Variants in EVI5 observed in about 807,000 individuals in gnomAD.
The protein encoded by EVI5 is ecotropic viral integration site 5, also known as ecotropic viral integration site 5 protein homolog.
A neutral mutation model predicts 112.0 loss-of-function variants in EVI5; 73 were observed. The observed-to-expected ratio is 0.65, with a 90% confidence interval of 0.54 to 0.79. EVI5 has a LOEUF of 0.79. Ranked by LOEUF, EVI5 falls within the 30% of genes least tolerant of loss-of-function variation. The pLI is 0.00. For synonymous variants in EVI5, 305 were observed against 319.9 expected (o/e 0.95, Z 0.50); for missense variants, 900 against 968.8 (o/e 0.93, Z 0.94).
chr1:92,537,784 TA>T (rs200935840), intron 19 of EVI5, among the ~76,000 whole-genome samples: 12,815 of 143,724 alleles, frequency 0.089, 1,534 homozygotes, highest in African/African-American at 0.28. Flanking sequence ...CTACAGTACT[TA>T]AAAAAAAAAA....
At chr1:92,563,320 T>C (rs941595413) in intron 19 of EVI5, among the ~76,000 whole-genome samples, 1 of 152,130 alleles carries the variant, frequency 6.6e-6, no homozygotes, top group South Asian at 2.1e-4. Context: ...TAAGCAAAAT[T>C]TTAGTTTAGT....
intron 2 of EVI5, among the ~76,000 whole-genome samples, chr1:92,719,427 CAG>C (rs1284351276): frequency 2.0e-5 from 3 of 151,758 alleles, no homozygotes; most frequent in Non-Finnish European, 4.4e-5. Flanking sequence ...ATCACATAAA[CAG>C]AACCAACGAC....
intron 16 of EVI5, among the ~76,000 whole-genome samples, chr1:92,608,399 A>G (rs1650946102): frequency 6.6e-6 from 1 of 152,132 alleles, no homozygotes; most frequent in Non-Finnish European, 1.5e-5. Flanking sequence ...GAAAGAAAGC[A>G]CAAACCAGTC....
intron 9 of EVI5, among the ~76,000 whole-genome samples, chr1:92,693,529 G>A (rs1669818427): frequency 6.6e-6 from 1 of 151,896 alleles, no homozygotes; most frequent in African/African-American, 2.4e-5. Context: ...CCAGAAAAGT[G>A]GTTTTAAAAA....
chr1:92,680,773 CA>C (rs1667460366), intron 9 of EVI5, among the ~76,000 whole-genome samples: 1 of 152,060 alleles, frequency 6.6e-6, no homozygotes, highest in South Asian at 2.1e-4. Context: ...GATATAATAT[CA>C]GGGGTATACC....
chr1:92,789,188 T>A (rs1212777702), upstream of EVI5, among the ~76,000 whole-genome samples: 1 of 152,224 alleles, frequency 6.6e-6, no homozygotes, highest in Non-Finnish European at 1.5e-5. Context: ...AAATCCTGTT[T>A]TGTCTTTTTG....
intron 9 of EVI5, among the ~76,000 whole-genome samples, chr1:92,692,809 A>G (rs1342346457): frequency 1.3e-5 from 2 of 152,218 alleles, no homozygotes; most frequent in African/African-American, 4.8e-5. Flanking sequence ...TTGCAGCAGA[A>G]AAACTGCTAA....
At chr1:92,791,541 C>G (rs1198850829) in intron 1 of EVI5, among the ~76,000 whole-genome samples, 1 of 152,106 alleles carries the variant, frequency 6.6e-6, no homozygotes, top group Non-Finnish European at 1.5e-5. Context: ...ATAAAAAAGA[C>G]TGAATTAGAA....
chr1:92,566,040 G>C (rs1354065566), intron 18 of EVI5, among the ~76,000 whole-genome samples: 1 of 147,962 alleles, frequency 6.8e-6, no homozygotes, highest in African/African-American at 2.5e-5. Context: ...CTGCTGTTCT[G>C]TGTTAACTGT....
chr1:92,584,138 A>C (rs1257854494), intron 18 of EVI5, among the ~76,000 whole-genome samples: 3 of 152,190 alleles, frequency 2.0e-5, no homozygotes, highest in African/African-American at 7.2e-5. Flanking sequence ...CAGATGAAAA[A>C]TCTAACAAAA....
intron 18 of EVI5, among the ~76,000 whole-genome samples, chr1:92,575,366 C>T (rs1028355374): frequency 6.6e-5 from 10 of 151,948 alleles, no homozygotes; most frequent in African/African-American, 2.4e-4. Flanking sequence ...AAAGAACTGC[C>T]CTATGTAACC....
At chr1:92,545,366 G>A (rs1403750921) in intron 19 of EVI5, among the ~76,000 whole-genome samples, 1 of 150,646 alleles carries the variant, frequency 6.6e-6, no homozygotes, top group Middle Eastern at 3.2e-3. Context: ...CATTGTGCCT[G>A]GCCTGTTTCT....
intron 18 of EVI5, among the ~76,000 whole-genome samples, chr1:92,567,117 C>T (rs969364091): frequency 4.6e-5 from 7 of 151,822 alleles, no homozygotes; most frequent in Admixed American, 1.3e-4. Flanking sequence ...CGGCCATGTG[C>T]CTAAGTTTTT....
intron 19 of EVI5, among the ~76,000 whole-genome samples, chr1:92,556,279 G>A (rs1422931578): frequency 6.6e-6 from 1 of 151,810 alleles, no homozygotes; most frequent in Admixed American, 6.6e-5. Context: ...GGCCAGCCTG[G>A]GCTCAAACTC....
intron 16 of EVI5, among the ~76,000 whole-genome samples, chr1:92,612,106 T>G (rs1651965118): frequency 6.6e-6 from 1 of 152,116 alleles, no homozygotes; most frequent in Non-Finnish European, 1.5e-5. Flanking sequence ...CAGGCCCTTC[T>G]AAATGTTTGG....
intron 1 of EVI5, among the ~76,000 whole-genome samples, chr1:92,774,370 TTC>T (rs1233983835): frequency 6.6e-6 from 1 of 152,196 alleles, no homozygotes; most frequent in Admixed American, 6.6e-5. Context: ...GCTAACGCTG[TTC>T]TGATAAAGTC....
At chr1:92,704,461 A>G in intron 3 of EVI5, 94 bp downstream of exon 3, 1 of 708,610 alleles carries the variant, frequency 1.4e-6, no homozygotes, top group Non-Finnish European at 2.3e-6. Context: ...ATAGCTTGGA[A>G]GTTGTATTTG....
intron 2 of EVI5, among the ~76,000 whole-genome samples, chr1:92,724,307 G>C (rs183546948): frequency 7.0e-4 from 107 of 152,082 alleles, no homozygotes; most frequent in Non-Finnish European, 1.3e-3. Flanking sequence ...TTCTCAGACC[G>C]GCCGACACTT....
intron 1 of EVI5, among the ~76,000 whole-genome samples, chr1:92,748,926 C>CGTGGTGGCGTATAT (rs1679756144): frequency 6.6e-6 from 1 of 151,724 alleles, no homozygotes. Flanking sequence ...ATTAGCTGGG[C>CGTGGTGGCGTATAT]GTGGTGGCGT....
Sources: gnomAD v4.1 joint callset for allele counts (sites outside exome capture counted in the v4.1 genomes callset) on GRCh38, gnomAD v4.1.1 for gene constraint, MANE v1.5 for transcripts, NCBI Gene and HGNC (gene_info 2026-07-23, HGNC 2026-07-21) for gene names.